The following PTPRG variants were observed in gnomAD, a reference collection of about 807,000 sequenced individuals.
The protein encoded by PTPRG is protein tyrosine phosphatase receptor type G.
A neutral mutation model predicts 165.3 loss-of-function variants in PTPRG; 102 were observed. The observed-to-expected ratio is 0.62, with a 90% CI of 0.53 to 0.73. The LOEUF (loss-of-function observed/expected upper bound fraction) is 0.73, where lower values mean the gene tolerates loss of function less well. Ranked by LOEUF, PTPRG falls within the 30% of genes least tolerant of loss-of-function variation. The pLI, the probability that PTPRG is intolerant of heterozygous loss-of-function variation, is 0.00. For missense variants in PTPRG, 1,866 were observed against 1,861.4 expected, an observed-to-expected ratio of 1.00 and a Z score of -0.05; for synonymous variants, 675 against 669.5, an observed-to-expected ratio of 1.01 and a Z score of -0.13.
intron 1 of PTPRG, among the ~76,000 whole-genome samples, chr3:61,634,551 T>TG (rs1701854623): frequency 6.7e-6 from 1 of 149,492 alleles, no homozygotes; most frequent in African/African-American, 2.5e-5. Context: ...GTGTGTGTGT[T>TG]TTTTTTTTAA....
intron 2 of PTPRG, among the ~76,000 whole-genome samples, chr3:61,909,655 G>C (rs1019937633): frequency 1.3e-5 from 2 of 150,580 alleles, no homozygotes; most frequent in African/African-American, 5.0e-5. Context: ...CAAAATGCTG[G>C]GTTTACAGTT....
chr3:62,184,796 G>A (rs532192961), intron 8 of PTPRG, among the ~76,000 whole-genome samples: 1 of 152,320 alleles, frequency 6.6e-6, no homozygotes, highest in Admixed American at 6.5e-5. Context: ...GTGAAATAGT[G>A]AATCTGCACC....
At chr3:62,206,912 C>CAAAAAAAAA (rs556974355) in intron 12 of PTPRG, among the ~76,000 whole-genome samples, 11 of 37,338 alleles carry the variant, frequency 2.9e-4, no homozygotes, top group African/African-American at 7.8e-4. Context: ...GACTCTGTCT[C>CAAAAAAAAA]AAAAAAAAAA....
chr3:62,043,304 C>G (rs1277318735), intron 4 of PTPRG, among the ~76,000 whole-genome samples: 2 of 152,060 alleles, frequency 1.3e-5, no homozygotes, highest in Non-Finnish European at 2.9e-5. Flanking sequence ...TTTTCATATC[C>G]TATTTTCTCT....
chr3:61,754,655 T>G (rs2033573167), intron 2 of PTPRG, among the ~76,000 whole-genome samples: 1 of 152,198 alleles, frequency 6.6e-6, no homozygotes, highest in Admixed American at 6.5e-5. Context: ...AGTCCTGCCA[T>G]GAAATTCAGA....
chr3:62,282,430 G>A (rs1376625333), intron 27 of PTPRG, among the ~76,000 whole-genome samples: 1 of 146,020 alleles, frequency 6.8e-6, no homozygotes, highest in African/African-American at 2.5e-5. Flanking sequence ...AGATCTCCCT[G>A]TGTTGCCCAG....
At chr3:62,104,306 T>C (rs1702398019) in intron 5 of PTPRG, among the ~76,000 whole-genome samples, 1 of 152,178 alleles carries the variant, frequency 6.6e-6, no homozygotes, top group Non-Finnish European at 1.5e-5. Context: ...TCATACTCCT[T>C]CCATGATTTG....
chr3:61,771,524 T>TA (rs1452045022), intron 2 of PTPRG: 1 of 152,178 alleles, frequency 6.6e-6, no homozygotes, highest in East Asian at 1.9e-4. Context: ...ATCAAATGCC[T>TA]AGACTTTTTA....
At chr3:61,807,388 G>A (rs922047381) in intron 2 of PTPRG, among the ~76,000 whole-genome samples, 1 of 152,250 alleles carries the variant, frequency 6.6e-6, no homozygotes, top group South Asian at 2.1e-4. Context: ...CTGGGCCAGC[G>A]TATATGGTAT....
At chr3:61,976,874 C>T (rs1297668700) in intron 2 of PTPRG, among the ~76,000 whole-genome samples, 1 of 152,032 alleles carries the variant, frequency 6.6e-6, no homozygotes, top group Non-Finnish European at 1.5e-5. Flanking sequence ...AGGGTTTCAA[C>T]CTGTTGGCCA....
chr3:62,079,352 A>G (rs1351791765), intron 5 of PTPRG, among the ~76,000 whole-genome samples: 1 of 152,246 alleles, frequency 6.6e-6, no homozygotes, highest in Non-Finnish European at 1.5e-5. Context: ...ATTGGTGATT[A>G]TGGCACTGGT....
intron 2 of PTPRG, among the ~76,000 whole-genome samples, chr3:61,751,236 G>A (rs1354181902): frequency 6.6e-6 from 1 of 152,188 alleles, no homozygotes; most frequent in East Asian, 1.9e-4. Context: ...CCAGGAAGAA[G>A]TAAGAGTTGG....
intron 1 of PTPRG, among the ~76,000 whole-genome samples, chr3:61,583,689 C>T (rs1284921311): frequency 6.6e-6 from 1 of 151,618 alleles, no homozygotes; most frequent in East Asian, 1.9e-4. Flanking sequence ...TCAGGCTGGG[C>T]TCGATACACC....
chr3:61,600,873 G>A (rs1441478072), intron 1 of PTPRG, among the ~76,000 whole-genome samples: 2 of 152,088 alleles, frequency 1.3e-5, no homozygotes, highest in Non-Finnish European at 2.9e-5. Flanking sequence ...TTAAAGTTGG[G>A]TATTTTCAAG....
At chr3:62,070,945 AAAG>A (rs1487864992) in intron 4 of PTPRG, among the ~76,000 whole-genome samples, 1 of 151,846 alleles carries the variant, frequency 6.6e-6, no homozygotes, top group African/African-American at 2.4e-5. Context: ...TTAAAAAAAA[AAAG>A]AAAAAAAAAG....
chr3:61,632,402 T>G (rs1422863724), intron 1 of PTPRG, among the ~76,000 whole-genome samples: 1 of 152,150 alleles, frequency 6.6e-6, no homozygotes, highest in African/African-American at 2.4e-5. Context: ...TAGGAAGTGA[T>G]GAGTATGAAA....
chr3:62,143,739 C>T (rs1704014341), intron 6 of PTPRG, among the ~76,000 whole-genome samples: 1 of 152,122 alleles, frequency 6.6e-6, no homozygotes. Flanking sequence ...CTTAGGAACA[C>T]AACTGAATGA....
At chr3:61,854,278 T>A (rs1324090238) in intron 2 of PTPRG, among the ~76,000 whole-genome samples, 1 of 152,214 alleles carries the variant, frequency 6.6e-6, no homozygotes, top group Non-Finnish European at 1.5e-5. Flanking sequence ...GGTTTCACTT[T>A]AAACCAGTGC....
intron 7 of PTPRG, among the ~76,000 whole-genome samples, chr3:62,165,770 A>C (rs573513486): frequency 6.6e-6 from 1 of 152,282 alleles, no homozygotes; most frequent in African/African-American, 2.4e-5. Context: ...GAATTCATAT[A>C]CTTCAATGAT....
Sources: allele counts gnomAD v4.1 joint callset (sites outside exome capture counted in the v4.1 genomes callset), GRCh38; gene constraint gnomAD v4.1.1; transcripts MANE v1.5; gene names NCBI Gene and HGNC (gene_info 2026-07-23, HGNC 2026-07-21).